The following WDR90 variants were observed in gnomAD, a reference collection of about 807,000 sequenced individuals.
WDR90 encodes the protein WD repeat domain 90.
A neutral mutation model predicts 195.2 loss-of-function variants in WDR90; 238 were observed. The ratio of observed to expected loss-of-function variants is 1.22; its 90% CI spans 1.10 to 1.36. WDR90 has a LOEUF of 1.36. WDR90 is among the 40% of genes most tolerant of loss of function. The probability of loss-of-function intolerance (pLI) is 0.00; values close to 1 mark genes in which losing one functional copy is unlikely to be tolerated. For missense variants in WDR90, 2,734 were observed against 2,439.5 expected (o/e 1.12, Z -2.54); for synonymous variants, 1,265 against 1,052.4 (o/e 1.20, Z -3.91).
At chr16:650,459 G>A (rs1010022097) in intron 4 of WDR90, 80 bp from the exon 5 acceptor site, 1 of 1,588,836 alleles carries the variant, frequency 6.3e-7, no homozygotes, top group Non-Finnish European at 8.6e-7. Context: ...AGGACAACCT[G>A]GCGGGGGCAC....
rs755840910 is a variant in WDR90, at chr16:654,378, CT to C, written c.1437+595del. ...GGCGTGTGCCACCACACCTGGCTAA[CT>C]TTTTTTTTTTTTTTTTTTTGAGATG... On this transcript the variant is annotated intron_variant, in intron 13 of 40. Coordinates refer to ENST00000293879, the MANE Select transcript of WDR90 (RefSeq NM_145294.5). The C allele has an allele frequency of 4.3e-3, 583 of 135,156 alleles. 2 individuals are homozygous for C. The highest frequency in any genetic ancestry group is 6.9e-3 in the South Asian group (28 of 4,086). 8.4% of individuals were successfully genotyped at this position (135,156 alleles called of 1,614,324 possible).
rs764767671 is a variant in WDR90 at position 661,050 on chromosome 16, G to T, written c.3392-1G>T. The T allele has an allele frequency of 5.8e-6, 7 of 1,216,966 alleles. No homozygotes were observed. Among genetic ancestry groups the T allele is most frequent in the Non-Finnish European group, 7.2e-6 (7 of 974,430 alleles). 75.4% of individuals were successfully genotyped at this position (1,216,966 alleles called of 1,614,324 possible). ...TCAGGCCCCGCCCTCTCTGCGCACA[G>T]GCTTCTTTGCCTACACGTGCGGCCG... On this transcript the variant is annotated splice_acceptor_variant, in intron 28 of 40. Transcript: ENST00000293879. LOFTEE classifies it high-confidence loss of function.
chr16:660,385 C>T (rs2037870179), intron 27 of WDR90, among the ~76,000 whole-genome samples: 1 of 152,238 alleles, frequency 6.6e-6, no homozygotes, highest in Admixed American at 6.5e-5. Context: ...CTGCCTTCCC[C>T]TCTCACCCAG....
intron 17 of WDR90, 155 bp from the exon 18 acceptor site, chr16:656,147 T>C (rs2037749132): frequency 1.3e-6 from 1 of 794,836 alleles, no homozygotes; most frequent in South Asian, 1.7e-5. Flanking sequence ...AGCCTAAGAG[T>C]GGTGGCCTCG....
chr16:659,399 G>A (rs983219885), intron 26 of WDR90, 23 bp downstream of exon 26: 4 of 1,584,870 alleles, frequency 2.5e-6, no homozygotes, highest in East Asian at 2.3e-5. Flanking sequence ...GGTCCTGGAG[G>A]AGTGGGGGGA....
In WDR90 at chr16:655,674, C is replaced by T. The variant is rs1455281342; in HGVS notation, c.1820C>T (p.Pro607Leu). 1 of 1,600,616 alleles carries T rather than the reference C, an allele frequency of 6.2e-7. No individual in the cohort carries two copies. The highest frequency in any genetic ancestry group is 8.5e-7 in the Non-Finnish European group (1 of 1,173,698). Residue 607 changes from proline to leucine, a missense_variant, in exon 16 of 41, where the codon CCC becomes CTC. Physicochemically the swap from Pro to Leu is moderately conservative, Grantham distance 98. Transcript: ENST00000293879. Reference protein sequence around the residue: ...RLLPTRTPGGPHPQKQTFSSG... With the variant: ...RLLPTRTPGGLHPQKQTFSSG... Reference sequence around the variant, plus strand: ...CTCCCCACACGGACTCCAGGCGGTCCCCACCCACAGAAGCAGACCTTCAGC... The same window carrying T: ...CTCCCCACACGGACTCCAGGCGGTCTCCACCCACAGAAGCAGACCTTCAGC...
In WDR90 at chr16:650,577, T is replaced by C; in HGVS notation, c.427T>C (p.Cys143Arg). Residue 143 changes from cysteine (C) to arginine (R), a missense_variant, in exon 5 of 41, where the codon TGC (cysteine) becomes CGC (arginine). Cys to Arg is a radical substitution (Grantham distance 180). Coordinates refer to ENST00000293879, the MANE Select transcript of WDR90 (RefSeq NM_145294.5). ...GLAPSGARWTCLQLDLQDVLL... is the reference protein window; with the variant it reads ...GLAPSGARWTRLQLDLQDVLL... Reference sequence around the variant, plus strand: ...GGCCCCCTCCGGAGCCCGCTGGACCTGCCTGCAGCTCGATCTGCAGGACGT... The same window carrying C: ...GGCCCCCTCCGGAGCCCGCTGGACCCGCCTGCAGCTCGATCTGCAGGACGT... The C allele has an allele frequency of 1.2e-6, 2 of 1,612,280 alleles. No individual in the cohort carries two copies. The highest frequency in any genetic ancestry group is 2.2e-5 in the South Asian group (2 of 91,072).
At chr16:658,131 C>A in intron 21 of WDR90, 52 bp from the exon 22 acceptor site, 1 of 1,569,136 alleles carries the variant, frequency 6.4e-7, no homozygotes, top group Admixed American at 1.7e-5. Flanking sequence ...CCCTGGGTGG[C>A]ACCGGCTCTG....
Position 661,168 on chromosome 16 carries a change from C to T in WDR90, c.3509C>T (p.Ala1170Val), listed in dbSNP as rs953747777. The T allele has an allele frequency of 1.9e-5, 29 of 1,543,688 alleles. No homozygotes were observed. The highest frequency in any genetic ancestry group is 2.4e-5 in the Non-Finnish European group (28 of 1,150,310). Residue 1170 changes from alanine (A) to valine (V), a missense_variant, in exon 29 of 41, where the codon GCC becomes GTC. Transcript: ENST00000293879. ...EISTLALSHS[A>V]QVLASASGRS... ...TCCACGCTGGCCCTCAGCCACAGTG[C>T]CCAGGTGCCCGCCTGCATCGCCCTC...
At position 650,307 on chromosome 16, in the gene WDR90, T is replaced by C. The variant is rs1171314953; in HGVS notation, c.333T>C (p.Ser111=). Reference sequence around the variant, plus strand: ...CCAACCTCTTCAAGGAGTTTAAGTCTACGGCCACGTGGCTCCAGTTTCCCT... The same window carrying C: ...CCAACCTCTTCAAGGAGTTTAAGTCCACGGCCACGTGGCTCCAGTTTCCCT... ...SFSNLFKEFK[S]TATWLQFPLV... is the part of the protein sequence containing the mutation. The change falls in exon 4 of 41, where the codon TCT becomes TCC. Residue 111 remains serine (S), a synonymous_variant. Transcript: ENST00000293879. The C allele has an allele frequency of 1.2e-6, 2 of 1,613,000 alleles. No individual in the cohort carries two copies. Among genetic ancestry groups the C allele is most frequent in the South Asian group, 1.1e-5 (1 of 91,088 alleles).
rs1285898312 is a variant in WDR90, at chr16:659,315, G to A, written c.3123G>A (p.Lys1041=). The stretch of plus-strand genomic sequence containing the variant: ...AGCTCCCCCGGCAGCAGGTCCCCAA[G>A]CCATGTCAGGCATCTCCACCACGGC... ...ASELPRQQVP[K]PCQASPPRLG... is the part of the protein sequence containing the mutation. The change falls in exon 26 of 41, where the codon AAG becomes AAA. Residue 1041 remains lysine (K), a synonymous_variant. Transcript: ENST00000293879. The A allele has an allele frequency of 1.3e-6, 2 of 1,599,784 alleles. No individual in the cohort carries two copies. The highest frequency in any genetic ancestry group is 1.7e-6 in the Non-Finnish European group (2 of 1,174,040).
At position 653,734 on chromosome 16, in the gene WDR90, C is replaced by T. The variant is rs753775705; in HGVS notation, c.1380-12C>T. 1.8e-5 allele frequency: 29 copies of T among 1,613,210 alleles called. No individual in the cohort carries two copies. Among genetic ancestry groups the T allele is most frequent in the Non-Finnish European group, 4.2e-6 (5 of 1,180,006 alleles). On this transcript the variant is annotated splice_polypyrimidine_tract_variant and intron_variant, in intron 12 of 40. Coordinates refer to ENST00000293879, the MANE Select transcript of WDR90 (RefSeq NM_145294.5). Reference sequence around the variant, plus strand: ...GCCCAGGCGACAATGACCACCTCCTCCCTGTTCACAGCTTCTCTGACAGCG... The same window carrying T: ...GCCCAGGCGACAATGACCACCTCCTTCCTGTTCACAGCTTCTCTGACAGCG...
At chr16:655,506 G>C (rs747771962) in intron 15 of WDR90, 38 bp downstream of exon 15, 1 of 1,538,078 alleles carries the variant, frequency 6.5e-7, no homozygotes, top group Non-Finnish European at 8.8e-7. Flanking sequence ...GCCCCGGCAT[G>C]GGGGCCCTGG....
In WDR90 at chr16:652,465, A is replaced by G; in HGVS notation, c.1054-2A>G. 6.2e-7 allele frequency: 1 copy of G among 1,603,982 alleles called. No homozygotes were observed. Among genetic ancestry groups the G allele is most frequent in the East Asian group, 2.2e-5 (1 of 44,614 alleles). ...GGACTTTGATGCGAATGGCTGTTTC[A>G]GGGCTTCCTCCCAGACCCAGTCCTG... On this transcript the variant is annotated splice_acceptor_variant, in intron 9 of 40. Transcript: ENST00000293879. LOFTEE classifies it high-confidence loss of function.
At position 656,156 on chromosome 16, in the gene WDR90, C is replaced by T. The variant is rs574330297; in HGVS notation, c.1967-146C>T. On this transcript the variant is annotated intron_variant, in intron 17 of 40. Coordinates refer to ENST00000293879, the MANE Select transcript of WDR90 (RefSeq NM_145294.5). ...CCGCCTAGCCTAAGAGTGGTGGCCT[C>T]GAGGGAGCTGCATCTTGCAGCCGTG... is the stretch of plus-strand genomic sequence containing the variant. 5.6e-4 allele frequency: 471 copies of T among 839,586 alleles called. 2 individuals are homozygous for T. In the African/African-American group the frequency reaches 6.1e-3, roughly 11 times the overall value. The allele number at this position is 839,586 out of a possible 1,614,324, so 52.0% of individuals were successfully genotyped here. A position where few individuals can be genotyped will look rare whatever the true frequency, so the allele number is the denominator to read the frequency against.
At chr16:655,916 C>T in intron 17 of WDR90, 27 bp downstream of exon 17, 1 of 1,569,530 alleles carries the variant, frequency 6.4e-7, no homozygotes, top group South Asian at 1.2e-5. Flanking sequence ...GCTCTCCCAA[C>T]TCCGGGAGAG....
chr16:649,286 A>C, upstream of WDR90: 1 of 1,155,104 alleles, frequency 8.7e-7, no homozygotes, highest in South Asian at 2.4e-5. Flanking sequence ...TCACGTGGCC[A>C]GGGCGCCGCC....
rs1391089175 is a variant in WDR90 at position 653,638 on chromosome 16, C to G, written c.1347C>G (p.Phe449Leu). 5.0e-6 allele frequency: 8 copies of G among 1,613,562 alleles called. No homozygotes were observed. The highest frequency in any genetic ancestry group is 6.8e-6 in the Non-Finnish European group (8 of 1,180,002). The stretch of plus-strand genomic sequence containing the variant: ...AGACCGGGCGGTGCTTGTGCCTGTT[C>G]CGGAGCCCAATGCACGTTGTCTGCT... ...DFQTGRCLCL[F>L]RSPMHVVCSL... The change falls in exon 12 of 41, where the codon TTC (phenylalanine) becomes TTG (leucine). Residue 449 changes from phenylalanine to leucine, a missense_variant. By Grantham distance (22) the Phe-to-Leu change is conservative. Transcript: ENST00000293879.
In WDR90 at chr16:653,321, C is replaced by T. The variant is rs1169546185; in HGVS notation, c.1123-20C>T. ...GCCTGGCGTAGCACCGGTCCTCAGC[C>T]CCCCGCCCCCTTGTGCCAGGCCCTG... On this transcript the variant is annotated intron_variant, in intron 10 of 40. Transcript: ENST00000293879. The T allele has an allele frequency of 2.0e-6, 3 of 1,499,138 alleles. No individual in the cohort carries two copies. Among genetic ancestry groups the T allele is most frequent in the Middle Eastern group, 1.8e-4 (1 of 5,650 alleles). 92.9% of individuals were successfully genotyped at this position (1,499,138 alleles called of 1,614,324 possible). A position where few individuals can be genotyped will look rare whatever the true frequency, so the allele number is the denominator to read the frequency against.
Sources: allele counts gnomAD v4.1 joint callset (sites outside exome capture counted in the v4.1 genomes callset), GRCh38; gene constraint gnomAD v4.1.1; transcripts MANE v1.5; gene names NCBI Gene and HGNC (gene_info 2026-07-23, HGNC 2026-07-21).